Variants in MMP26 observed in about 807,000 individuals in gnomAD.
The protein encoded by MMP26 is matrix metallopeptidase 26.
A neutral mutation model predicts 31.0 loss-of-function variants in MMP26; 33 were observed. That is an observed-to-expected ratio of 1.06 (90% CI 0.81 to 1.42). MMP26 has a LOEUF of 1.42. Among genes scored for constraint, MMP26 ranks in the 40% most tolerant of loss-of-function variants. The pLI is 0.00. For missense variants in MMP26, 347 were observed against 316.1 expected (o/e 1.10, Z -0.74); for synonymous variants, 122 against 114.9 (o/e 1.06, Z -0.40).
intron 2 of MMP26, among the ~76,000 whole-genome samples, chr11:4,980,736 AATAAT>A (rs1846801265): frequency 6.6e-6 from 1 of 151,868 alleles, no homozygotes; most frequent in Non-Finnish European, 1.5e-5. Flanking sequence ...GTGGTGACAA[AATAAT>A]ATAAACAATT....
At chr11:4,861,712 A>C (rs537748243) in intron 2 of MMP26, among the ~76,000 whole-genome samples, 52 of 152,230 alleles carry the variant, frequency 3.4e-4, no homozygotes, top group African/African-American at 1.1e-3. Context: ...AAAGTATAAT[A>C]TAATACTTAG....
rs184461336 is a variant in MMP26, at chr11:4,856,251, G to A, written c.-145+88910G>A. Among the ~76,000 whole-genome samples, 35 of 152,320 alleles carry A rather than the reference G, an allele frequency of 2.3e-4. 1 individual carries two copies. Among genetic ancestry groups the A allele is most frequent in the African/African-American group, 8.2e-4 (34 of 41,552 alleles). ...AACCTTAAATGTAGATGGGCTAAAT[G>A]TTCCAATTAAAAGACACAGACTGGC... is the stretch of plus-strand genomic sequence containing the variant. On this transcript the variant is annotated intron_variant, in intron 2 of 7. Transcript: ENST00000380390.
At chr11:4,722,167 A>G (rs542806360) in intron 1 of MMP26, among the ~76,000 whole-genome samples, 92 of 152,268 alleles carry the variant, frequency 6.0e-4, no homozygotes, top group African/African-American at 2.2e-3. Flanking sequence ...TTTATAAGTT[A>G]CCCAGTCTCA....
chr11:4,806,691 T>C (rs888290820), intron 2 of MMP26, among the ~76,000 whole-genome samples: 13 of 152,094 alleles, frequency 8.5e-5, no homozygotes, highest in Non-Finnish European at 1.6e-4. Flanking sequence ...CTGGGAGAAA[T>C]AGGGCTCAGA....
intron 2 of MMP26, among the ~76,000 whole-genome samples, chr11:4,857,720 T>A (rs996060022): frequency 2.0e-5 from 3 of 152,146 alleles, no homozygotes; most frequent in Non-Finnish European, 4.4e-5. Flanking sequence ...CCCTAAATCA[T>A]TTTATGAGGC....
At chr11:4,955,740 A>T in intron 2 of MMP26, 1 of 1,574,016 alleles carries the variant, frequency 6.4e-7, no homozygotes, top group Non-Finnish European at 8.7e-7. Flanking sequence ...TCTGCTATGA[A>T]AAATACAGAT....
intron 2 of MMP26, among the ~76,000 whole-genome samples, chr11:4,939,045 G>C (rs1287965347): frequency 4.6e-5 from 7 of 151,998 alleles, no homozygotes; most frequent in African/African-American, 1.7e-4. Context: ...GTTGATATAT[G>C]TTTCTTAAAT....
At position 4,804,241 on chromosome 11, in the gene MMP26, G is replaced by C. The variant is rs558154651; in HGVS notation, c.-145+36900G>C. ...GTCAATTCTGATTACATGGAGGAGAGTGATATTTCCAACAACAGCCACAGC... is the reference window on the plus strand; with the variant it reads ...GTCAATTCTGATTACATGGAGGAGACTGATATTTCCAACAACAGCCACAGC... On this transcript the variant is annotated intron_variant, in intron 2 of 7. Coordinates refer to ENST00000380390, the MANE Select transcript of MMP26 (RefSeq NM_021801.5). 7.4e-6 allele frequency: 12 copies of C among 1,613,956 alleles called. 1 individual carries two copies. The African/African-American group carries it at 1.6e-4, about 22-fold the overall frequency.
At chr11:4,866,719 C>T (rs1850239891) in intron 2 of MMP26, among the ~76,000 whole-genome samples, 1 of 152,110 alleles carries the variant, frequency 6.6e-6, no homozygotes, top group African/African-American at 2.4e-5. Context: ...CAGCATGGTA[C>T]AGGTACAAGA....
At chr11:4,742,268 A>G (rs755800923) in intron 1 of MMP26, among the ~76,000 whole-genome samples, 1 of 152,232 alleles carries the variant, frequency 6.6e-6, no homozygotes, top group Admixed American at 6.5e-5. Flanking sequence ...TGACTAGAGG[A>G]CAAAGACAAG....
intron 1 of MMP26, chr11:4,752,411 A>C (rs1210137463): frequency 6.6e-6 from 1 of 152,132 alleles, no homozygotes; most frequent in Non-Finnish European, 1.5e-5. Flanking sequence ...TTGTGTCTGA[A>C]CATGAGAGTT....
intron 1 of MMP26, chr11:4,711,085 A>G (rs1231354022): frequency 6.6e-6 from 1 of 152,408 alleles, no homozygotes; most frequent in Non-Finnish European, 1.5e-5. Flanking sequence ...TTGTCTAAAT[A>G]TATGTCTAAA....
intron 2 of MMP26, among the ~76,000 whole-genome samples, chr11:4,777,500 T>C (rs933545037): frequency 1.3e-5 from 2 of 152,180 alleles, no homozygotes. Flanking sequence ...CATCACAGTA[T>C]GCAGATTACA....
Position 4,807,512 on chromosome 11 carries a change from C to T in MMP26, c.-145+40171C>T, listed in dbSNP as rs560626608. Among the ~76,000 whole-genome samples, 4 of 149,592 alleles carry T rather than the reference C, an allele frequency of 2.7e-5. No individual in the cohort carries two copies. The East Asian group carries it at 6.0e-4, about 22-fold the overall frequency. On this transcript the variant is annotated intron_variant, in intron 2 of 7. Transcript: ENST00000380390. ...AACCATCATTCTAAGCAAACTGTCA[C>T]AAGGACAGAAAACCAAACACCGCAT...
At chr11:4,811,720 C>T (rs918139200) in intron 2 of MMP26, among the ~76,000 whole-genome samples, 1 of 152,036 alleles carries the variant, frequency 6.6e-6, no homozygotes, top group Non-Finnish European at 1.5e-5. Context: ...CAGGATAGGA[C>T]CTGTGGTGTT....
intron 2 of MMP26, chr11:4,848,401 G>T (rs762022613): frequency 6.2e-7 from 1 of 1,614,002 alleles, no homozygotes; most frequent in South Asian, 1.1e-5. Flanking sequence ...AGCTCAGGAT[G>T]GTTAATCAGT....
intron 2 of MMP26, among the ~76,000 whole-genome samples, chr11:4,825,454 A>G (rs1338457824): frequency 1.3e-5 from 2 of 152,146 alleles, no homozygotes; most frequent in Non-Finnish European, 2.9e-5. Context: ...GGTTTCTGTC[A>G]GTGTTCCTAC....
chr11:4,794,753 T>G (rs1849082432), intron 2 of MMP26, among the ~76,000 whole-genome samples: 2 of 152,196 alleles, frequency 1.3e-5, no homozygotes, highest in South Asian at 4.1e-4. Flanking sequence ...GACAAGCAGG[T>G]GCTGGCTATT....
At chr11:4,847,652 C>A (rs1200443302) in intron 2 of MMP26, 1 of 152,090 alleles carries the variant, frequency 6.6e-6, no homozygotes, top group African/African-American at 2.4e-5. Context: ...ATTTTGAAAA[C>A]TAAATGAAGA....
Sources: gnomAD v4.1 joint callset for allele counts (sites outside exome capture counted in the v4.1 genomes callset) on GRCh38, gnomAD v4.1.1 for gene constraint, MANE v1.5 for transcripts, NCBI Gene and HGNC (gene_info 2026-07-23, HGNC 2026-07-21) for gene names.